PTPRT: variants seen among roughly 807,000 people sequenced by gnomAD.
The protein encoded by PTPRT is protein tyrosine phosphatase receptor type T, also known as receptor-type tyrosine-protein phosphatase T.
A neutral mutation model predicts 176.8 loss-of-function variants in PTPRT; 56 were observed. The ratio of observed to expected loss-of-function variants is 0.32; its 90% CI spans 0.26 to 0.40. The LOEUF (loss-of-function observed/expected upper bound fraction) is 0.40. Ranked by LOEUF, PTPRT falls within the 10% of genes least tolerant of loss-of-function variation. PTPRT has a pLI of 1.00. For missense variants in PTPRT, 1,540 were observed against 1,908.2 expected, an observed-to-expected ratio of 0.81 and a Z score of 3.60; for synonymous variants, 783 against 739.0, an observed-to-expected ratio of 1.06 and a Z score of -0.96.
chr20:42,461,144 A>G (rs2071011775), intron 8 of PTPRT, among the ~76,000 whole-genome samples: 1 of 152,196 alleles, frequency 6.6e-6, no homozygotes, highest in Non-Finnish European at 1.5e-5. Context: ...CCTGACCAAC[A>G]CGGAGAAACC....
chr20:42,802,729 C>A (rs928210778), intron 2 of PTPRT, among the ~76,000 whole-genome samples: 1 of 152,188 alleles, frequency 6.6e-6, no homozygotes, highest in Non-Finnish European at 1.5e-5. Flanking sequence ...AGGGTCATTT[C>A]TTGCCTCCCT....
chr20:42,126,312 C>T (rs375728565), intron 19 of PTPRT, among the ~76,000 whole-genome samples: 1 of 152,180 alleles, frequency 6.6e-6, no homozygotes, highest in African/African-American at 2.4e-5. Flanking sequence ...TTAAAGACAG[C>T]AGGGTATGGT....
chr20:42,395,379 T>C (rs2058839539), intron 9 of PTPRT, among the ~76,000 whole-genome samples: 1 of 152,196 alleles, frequency 6.6e-6, no homozygotes, highest in Non-Finnish European at 1.5e-5. Context: ...CTCTTCTATG[T>C]GTGAGTGAGA....
chr20:42,251,419 G>A (rs1335852339), intron 13 of PTPRT, among the ~76,000 whole-genome samples: 1 of 152,138 alleles, frequency 6.6e-6, no homozygotes, highest in Non-Finnish European at 1.5e-5. Flanking sequence ...AACAGTTCCT[G>A]CTCTCAAAGA....
intron 2 of PTPRT, among the ~76,000 whole-genome samples, chr20:42,804,765 G>C (rs968405307): frequency 1.3e-5 from 2 of 152,166 alleles, no homozygotes; most frequent in Non-Finnish European, 2.9e-5. Context: ...GGCATTCCTT[G>C]GGTTGTAGAT....
intron 7 of PTPRT, among the ~76,000 whole-genome samples, chr20:42,524,525 T>A (rs1316772957): frequency 6.6e-6 from 1 of 152,224 alleles, no homozygotes; most frequent in African/African-American, 2.4e-5. Flanking sequence ...CCATGGCAAG[T>A]GATCTGTATA....
At chr20:42,788,947 G>A (rs572876429) in intron 3 of PTPRT, among the ~76,000 whole-genome samples, 52 of 152,316 alleles carry the variant, frequency 3.4e-4, no homozygotes, top group Admixed American at 5.2e-4. Flanking sequence ...CTACTGAAGC[G>A]TGGCTAATGA....
At chr20:42,924,931 T>C (rs979373364) in intron 1 of PTPRT, among the ~76,000 whole-genome samples, 4 of 152,238 alleles carry the variant, frequency 2.6e-5, no homozygotes, top group Non-Finnish European at 5.9e-5. Flanking sequence ...GGGTTGGACT[T>C]GAGCATCCAT....
intron 7 of PTPRT, among the ~76,000 whole-genome samples, chr20:42,633,781 G>GAAAAAA (rs757072641): frequency 1.5e-3 from 49 of 32,838 alleles, no homozygotes; most frequent in African/African-American, 8.8e-3. Flanking sequence ...GCAAGACTCT[G>GAAAAAA]AAAATATATA....
intron 12 of PTPRT, among the ~76,000 whole-genome samples, chr20:42,303,692 G>A (rs1342753880): frequency 1.3e-5 from 2 of 152,110 alleles, no homozygotes; most frequent in East Asian, 1.9e-4. Context: ...ACAAGCAATC[G>A]TGGATGTGGG....
chr20:42,718,566 A>T (rs2076260721), intron 6 of PTPRT, among the ~76,000 whole-genome samples: 1 of 152,184 alleles, frequency 6.6e-6, no homozygotes, highest in African/African-American at 2.4e-5. Context: ...TAAATTAAAA[A>T]GTGAATACAA....
chr20:42,715,492 T>A (rs2076209169), intron 6 of PTPRT, among the ~76,000 whole-genome samples: 1 of 152,104 alleles, frequency 6.6e-6, no homozygotes, highest in African/African-American at 2.4e-5. Context: ...ATCTGATGAC[T>A]AAAAACTACC....
At chr20:42,229,276 C>T (rs1458104189) in intron 15 of PTPRT, among the ~76,000 whole-genome samples, 1 of 152,152 alleles carries the variant, frequency 6.6e-6, no homozygotes, top group African/African-American at 2.4e-5. Context: ...GACTTCCCAC[C>T]AAGGTTCTCC....
intron 3 of PTPRT, among the ~76,000 whole-genome samples, chr20:42,784,604 A>G (rs1217466112): frequency 1.3e-5 from 2 of 152,118 alleles, no homozygotes; most frequent in Non-Finnish European, 2.9e-5. Context: ...ACTCCACTTC[A>G]TTGTGAGTGA....
At chr20:42,583,924 A>G (rs2073424359) in intron 7 of PTPRT, among the ~76,000 whole-genome samples, 1 of 152,050 alleles carries the variant, frequency 6.6e-6, no homozygotes, top group South Asian at 2.1e-4. Context: ...TTCTCCCACT[A>G]TGTCTTCCAG....
rs1276252117 is a variant in PTPRT, at chr20:42,096,768, T to G, written c.3846+1653A>C. On this transcript the variant is annotated intron_variant, in intron 27 of 30. Coordinates refer to ENST00000373187, the MANE Select transcript of PTPRT (RefSeq NM_007050.6). ...CTGGCTAATTAAAATTTTTTTTTTT[T>G]TTTTTTTTTTTTGTAGAGACAGGGT... is the stretch of plus-strand genomic sequence containing the variant. 9.7e-4 allele frequency among the ~76,000 whole-genome samples: 144 copies of G among 148,546 alleles called. 1 individual carries two copies. The highest frequency in any genetic ancestry group is 1.2e-3 in the Non-Finnish European group (78 of 66,906).
At chr20:42,693,648 G>A (rs1326565173) in intron 6 of PTPRT, among the ~76,000 whole-genome samples, 2 of 152,098 alleles carry the variant, frequency 1.3e-5, no homozygotes, top group Non-Finnish European at 2.9e-5. Flanking sequence ...GGATTATTTA[G>A]GCATCCATAT....
chr20:42,188,713 T>G lies in PTPRT; in HGVS notation c.2491+10527A>C, dbSNP rs568328458. Among the ~76,000 whole-genome samples the G allele has an allele frequency of 5.1e-4, 77 of 152,318 alleles. 1 individual carries two copies. Among genetic ancestry groups the G allele is most frequent in the South Asian group, 2.7e-3 (13 of 4,830 alleles). On this transcript the variant is annotated intron_variant, in intron 16 of 30. Coordinates refer to ENST00000373187, the MANE Select transcript of PTPRT (RefSeq NM_007050.6). The stretch of plus-strand genomic sequence containing the variant: ...ACATCACTTCTTTATCCCTGATTAC[T>G]TTAACAAGCACTTTTTAAGTGCTCT...
intron 9 of PTPRT, among the ~76,000 whole-genome samples, chr20:42,435,880 C>A (rs1301593763): frequency 6.6e-6 from 1 of 152,096 alleles, no homozygotes; most frequent in Non-Finnish European, 1.5e-5. Context: ...CACTGTGAAG[C>A]TGTAATAAAT....
Sources: gnomAD v4.1 joint callset for allele counts (sites outside exome capture counted in the v4.1 genomes callset) on GRCh38, gnomAD v4.1.1 for gene constraint, MANE v1.5 for transcripts, NCBI Gene and HGNC (gene_info 2026-07-23, HGNC 2026-07-21) for gene names.